SPG21: variants seen among roughly 807,000 people sequenced by gnomAD.
SPG21 encodes the protein SPG21 abhydrolase domain containing, maspardin, also known as maspardin.
SPG21 carries 26 observed loss-of-function variants against 38.9 expected under a neutral mutation model. The ratio of observed to expected loss-of-function variants is 0.67; its 90% confidence interval spans 0.49 to 0.93. SPG21 has a LOEUF of 0.93. SPG21 is among the 40% of genes least tolerant of loss of function. SPG21 has a pLI of 0.00. For missense variants in SPG21, 333 were observed against 376.5 expected, an observed-to-expected ratio of 0.88 and a Z score of 0.96; for synonymous variants, 136 against 128.9, an observed-to-expected ratio of 1.05 and a Z score of -0.37.
Position 64,965,326 on chromosome 15 carries a change from A to G in SPG21, c.804T>C (p.Tyr268=), listed in dbSNP as rs1391733667. Residue 268 remains tyrosine (Y), a synonymous_variant, in exon 8 of 9, where the codon TAT becomes TAC. Coordinates refer to ENST00000204566, the MANE Select transcript of SPG21 (RefSeq NM_016630.7). ...YLCRSAEVNL[Y]VQIHLLQFHG... ...GTTTCAAGCTAGGCCTTACCTGTAC[A>G]TAAAGATTGACCTCTGCACTTCTGC... 6.8e-6 allele frequency: 11 copies of G among 1,614,062 alleles called. No homozygotes were observed. The highest frequency in any genetic ancestry group is 1.1e-5 in the South Asian group (1 of 91,092).
rs1266817777 is a variant in SPG21 at position 64,983,547 on chromosome 15, GGA to G, written c.21_22del (p.Pro8Ter). Reference sequence around the variant, plus strand: ...TGTACCTCTAAACCAGTTATAATCAGGAGAGACTTTAATCTCTCCCATGATTA... The same window carrying G: ...TGTACCTCTAAACCAGTTATAATCAGGAGACTTTAATCTCTCCCATGATTA... On this transcript the variant is annotated frameshift_variant, in exon 2 of 9. Transcript: ENST00000204566. LOFTEE classifies it high-confidence loss of function. 6.3e-7 allele frequency: 1 copy of G among 1,578,556 alleles called. No individual in the cohort carries two copies. The highest frequency in any genetic ancestry group is 1.3e-5 in the African/African-American group (1 of 74,532).
intron 1 of SPG21, among the ~76,000 whole-genome samples, chr15:64,987,895 G>A (rs915311467): frequency 1.3e-5 from 2 of 152,190 alleles, no homozygotes; most frequent in Non-Finnish European, 2.9e-5. Context: ...TTAGCTAGGC[G>A]TGGTGGCACA....
intron 1 of SPG21, among the ~76,000 whole-genome samples, chr15:64,984,268 T>C (rs1037992987): frequency 2.6e-5 from 4 of 152,194 alleles, no homozygotes; most frequent in Non-Finnish European, 5.9e-5. Flanking sequence ...CAGTTATCTT[T>C]TGACATTACC....
At chr15:64,984,579 C>G (rs2085950834) in intron 1 of SPG21, among the ~76,000 whole-genome samples, 1 of 152,064 alleles carries the variant, frequency 6.6e-6, no homozygotes, top group Admixed American at 6.6e-5. Flanking sequence ...TCTCGAATTC[C>G]TAGGCTCAAG....
At chr15:64,980,314 T>G (rs529733798) in intron 3 of SPG21, among the ~76,000 whole-genome samples, 1 of 152,168 alleles carries the variant, frequency 6.6e-6, no homozygotes. Flanking sequence ...ACGTAAATGC[T>G]GGGCATGGAG....
intron 3 of SPG21, 125 bp downstream of exon 3, chr15:64,980,736 TCAA>T: frequency 1.3e-6 from 1 of 761,712 alleles, no homozygotes; most frequent in East Asian, 3.0e-5. Flanking sequence ...AGAATCCATC[TCAA>T]CAAACAAACA....
At chr15:64,981,289 CTT>C (rs34703670) in intron 2 of SPG21, 9,545 of 274,630 alleles carry the variant, frequency 0.035, no homozygotes, top group South Asian at 0.054. Context: ...CCCCCTCCTC[CTT>C]TTTTTTTTTT....
At position 64,983,732 on chromosome 15, in the gene SPG21, C is replaced by A. The variant is rs72742781; in HGVS notation, c.-24-139G>T. On this transcript the variant is annotated intron_variant, in intron 1 of 8. Coordinates refer to ENST00000204566, the MANE Select transcript of SPG21 (RefSeq NM_016630.7). ...CTGGCTATTTTGTCAGTATATAGTC[C>A]AACTACAGAAAACAATTTGGTGAAA... The A allele has an allele frequency of 0.032, 19,274 of 597,238 alleles. 697 individuals carry two copies. The highest frequency in any genetic ancestry group is 0.12 in the South Asian group (6,561 of 52,506). The allele number at this position is 597,238 out of a possible 1,614,324, so 37.0% of individuals were successfully genotyped here. A position where few individuals can be genotyped will look rare whatever the true frequency, so the allele number is the denominator to read the frequency against.
chr15:64,981,308 G>A, intron 2 of SPG21: 1 of 243,028 alleles, frequency 4.1e-6, no homozygotes, highest in Non-Finnish European at 7.3e-6. Context: ...TTTTTTTTTT[G>A]AGACAGAGTC....
At chr15:64,974,863 A>G (rs749981890) in intron 4 of SPG21, 116 bp from the exon 5 acceptor site, 10 of 1,155,222 alleles carry the variant, frequency 8.7e-6, no homozygotes, top group Non-Finnish European at 1.3e-5. Flanking sequence ...TAGCCAATAG[A>G]CTAAAATATT....
At chr15:64,980,763 A>ACAAACAAT in intron 3 of SPG21, 101 bp downstream of exon 3, 1 of 1,351,806 alleles carries the variant, frequency 7.4e-7, no homozygotes, top group Non-Finnish European at 1.0e-6. Context: ...AAACAAACAA[A>ACAAACAAT]CAAACAAACT....
intron 7 of SPG21, among the ~76,000 whole-genome samples, chr15:64,968,340 C>CCAAAAAAA (rs1260971823): frequency 9.1e-6 from 1 of 109,702 alleles, no homozygotes; most frequent in African/African-American, 3.6e-5. Flanking sequence ...ACCCTGTTTC[C>CCAAAAAAA]AAAAAAAAAA....
At chr15:64,979,845 CAAAAAAA>C (rs71136305) in intron 3 of SPG21, among the ~76,000 whole-genome samples, 17 of 89,514 alleles carry the variant, frequency 1.9e-4, no homozygotes, top group South Asian at 3.2e-4. Context: ...TGGAAGCATG[CAAAAAAA>C]AAAAAAAAAA....
intron 2 of SPG21, among the ~76,000 whole-genome samples, 169 bp downstream of exon 2, chr15:64,983,338 A>G (rs1036718798): frequency 2.6e-5 from 4 of 152,212 alleles, no homozygotes; most frequent in South Asian, 2.1e-4. Context: ...GAGTCTCAAA[A>G]GTTGACTGTA....
chr15:64,974,441 C>T (rs1426534720), intron 5 of SPG21, among the ~76,000 whole-genome samples, 161 bp downstream of exon 5: 1 of 152,084 alleles, frequency 6.6e-6, no homozygotes, highest in Admixed American at 6.6e-5. Flanking sequence ...CACCACTGCA[C>T]TTCAGCCTGG....
intron 7 of SPG21, among the ~76,000 whole-genome samples, 158 bp from the exon 8 acceptor site, chr15:64,965,618 C>G (rs2085526453): frequency 6.6e-6 from 1 of 152,202 alleles, no homozygotes; most frequent in African/African-American, 2.4e-5. Flanking sequence ...GAACCCCCAG[C>G]AGCCTGAACT....
chr15:64,966,024 T>C (rs540248453), intron 7 of SPG21, among the ~76,000 whole-genome samples: 3 of 152,176 alleles, frequency 2.0e-5, no homozygotes, highest in East Asian at 1.9e-4. Context: ...AATTCTACCA[T>C]GAATTTCCTT....
intron 5 of SPG21, among the ~76,000 whole-genome samples, chr15:64,970,832 C>T (rs749570541): frequency 5.9e-4 from 89 of 152,092 alleles, no homozygotes; most frequent in Middle Eastern, 3.2e-3. Context: ...CTCTGCCTCC[C>T]GGGCTCAAGC....
intron 2 of SPG21, chr15:64,982,865 C>T (rs1390798275): frequency 6.6e-6 from 1 of 152,244 alleles, no homozygotes; most frequent in Non-Finnish European, 1.5e-5. Flanking sequence ...GGAATATAAT[C>T]TGACTGTACT....
Sources: gnomAD v4.1 joint callset for allele counts (sites outside exome capture counted in the v4.1 genomes callset) on GRCh38, gnomAD v4.1.1 for gene constraint, MANE v1.5 for transcripts, NCBI Gene and HGNC (gene_info 2026-07-23, HGNC 2026-07-21) for gene names.